The following UBAP2 variants were observed in gnomAD, a reference collection of about 807,000 sequenced individuals.
The protein encoded by UBAP2 is ubiquitin-associated protein 2.
UBAP2 carries 75 observed loss-of-function variants against 139.6 expected under a neutral mutation model. The ratio of observed to expected loss-of-function variants is 0.54; its 90% CI spans 0.45 to 0.65. The LOEUF is 0.65. Ranked by LOEUF, UBAP2 falls within the 30% of genes least tolerant of loss-of-function variation. UBAP2 has a pLI of 0.00. For synonymous variants in UBAP2, 526 were observed against 526.2 expected, an observed-to-expected ratio of 1.00 and a Z score of 0.01; for missense variants, 1,368 against 1,369.6, an observed-to-expected ratio of 1.00 and a Z score of 0.02.
At position 33,922,564 on chromosome 9, in the gene UBAP2, C is replaced by G. The variant is rs761100974; in HGVS notation, c.3300G>C (p.Leu1100=). ...GSGQRSQPSS[L]QPKSQASKPA... is the part of the protein sequence containing the mutation. Reference sequence around the variant, plus strand: ...GTTTGGAGGCTTGAGACTTGGGCTGCAGGGAGCTGGGCTGGCTGCGCTGAC... The same window carrying G: ...GTTTGGAGGCTTGAGACTTGGGCTGGAGGGAGCTGGGCTGGCTGCGCTGAC... The change falls in exon 29 of 29, where the codon CTG becomes CTC. Residue 1100 remains leucine, a synonymous_variant. Coordinates refer to ENST00000379238, the MANE Select transcript of UBAP2 (RefSeq NM_001370062.2). The G allele has an allele frequency of 3.0e-5, 49 of 1,613,652 alleles. No individual in the cohort carries two copies. Among genetic ancestry groups the G allele is most frequent in the Non-Finnish European group, 4.1e-5 (48 of 1,179,932 alleles).
intron 6 of UBAP2, among the ~76,000 whole-genome samples, chr9:33,986,089 C>T (rs1172604809): frequency 1.3e-5 from 2 of 151,360 alleles, no homozygotes; most frequent in Non-Finnish European, 2.9e-5. Context: ...GTCTTGCTCA[C>T]TTGCCCAGGC....
At chr9:34,035,463 C>A (rs1226990472) in intron 1 of UBAP2, among the ~76,000 whole-genome samples, 5 of 121,708 alleles carry the variant, frequency 4.1e-5, no homozygotes, top group Admixed American at 9.6e-5. Flanking sequence ...GATCGCGCCA[C>A]TGCACTCCAG....
chr9:34,027,860 TCAA>T (rs1825547146), intron 1 of UBAP2, among the ~76,000 whole-genome samples: 1 of 26,776 alleles, frequency 3.7e-5, no homozygotes. Flanking sequence ...AGACTCCATC[TCAA>T]AAAAAAAAAA....
intron 2 of UBAP2, among the ~76,000 whole-genome samples, chr9:34,009,545 C>A (rs1198155925): frequency 6.6e-6 from 1 of 152,054 alleles, no homozygotes; most frequent in African/African-American, 2.4e-5. Flanking sequence ...CAGGTGTTAG[C>A]CACCATGTCC....
At chr9:33,983,227 G>A (rs578111722) in intron 6 of UBAP2, among the ~76,000 whole-genome samples, 1 of 152,208 alleles carries the variant, frequency 6.6e-6, no homozygotes, top group African/African-American at 2.4e-5. Context: ...TTATGACATG[G>A]ATCAGCTTGT....
intron 22 of UBAP2, among the ~76,000 whole-genome samples, chr9:33,924,617 G>C (rs1823259867): frequency 6.6e-6 from 1 of 152,208 alleles, no homozygotes; most frequent in South Asian, 2.1e-4. Context: ...TTCTGTGTGA[G>C]AGACTAGAGC....
At chr9:34,015,638 T>G (rs1275819870) in intron 2 of UBAP2, among the ~76,000 whole-genome samples, 1 of 152,102 alleles carries the variant, frequency 6.6e-6, no homozygotes, top group South Asian at 2.1e-4. Context: ...CAAGTGGATC[T>G]TGATCATTAA....
At chr9:33,969,708 A>T (rs1450556336) in intron 8 of UBAP2, among the ~76,000 whole-genome samples, 1 of 151,642 alleles carries the variant, frequency 6.6e-6, no homozygotes. Context: ...CACTAAAAAT[A>T]CGAAAAAGTT....
rs1227800380 is a variant in UBAP2 at position 33,938,952 on chromosome 9, A to G, written c.1929+2697T>C. Reference sequence around the variant, plus strand: ...ATCTGTGGATATTCCAGGCTGTGGAAGGGGAAGAGAAAAAGGAAGGGAGGA... The same window carrying G: ...ATCTGTGGATATTCCAGGCTGTGGAGGGGGAAGAGAAAAAGGAAGGGAGGA... On this transcript the variant is annotated intron_variant, in intron 16 of 28. Transcript: ENST00000379238. The G allele has an allele frequency of 3.4e-5, 15 of 446,598 alleles. No individual in the cohort carries two copies. The East Asian group carries it at 1.0e-3, about 31-fold the overall frequency. The allele number at this position is 446,598 out of a possible 1,614,324, so 27.7% of individuals were successfully genotyped here. A position where few individuals can be genotyped will look rare whatever the true frequency, so the allele number is the denominator to read the frequency against.
At chr9:34,047,373 AGT>A (rs2131391786) in intron 1 of UBAP2, among the ~76,000 whole-genome samples, 1 of 152,294 alleles carries the variant, frequency 6.6e-6, no homozygotes, top group Admixed American at 6.5e-5. Context: ...TCCACAGGTG[AGT>A]GTATTGAAGG....
At chr9:33,924,780 C>T (rs1025977561) in intron 22 of UBAP2, among the ~76,000 whole-genome samples, 3 of 152,228 alleles carry the variant, frequency 2.0e-5, no homozygotes, top group Non-Finnish European at 2.9e-5. Context: ...CCTGTCACCA[C>T]CTACACTGCT....
chr9:33,987,868 A>G (rs1317820776), intron 5 of UBAP2, among the ~76,000 whole-genome samples: 2 of 152,206 alleles, frequency 1.3e-5, no homozygotes, highest in East Asian at 1.9e-4. Context: ...TAGAAAAACT[A>G]AAGTGTTGGA....
intron 15 of UBAP2, among the ~76,000 whole-genome samples, chr9:33,942,141 G>A (rs1160612904): frequency 6.6e-6 from 1 of 151,738 alleles, no homozygotes; most frequent in African/African-American, 2.4e-5. Flanking sequence ...GTGAAACCCC[G>A]TCTCTACTAA....
chr9:34,015,175 G>C (rs1427559744), intron 2 of UBAP2, among the ~76,000 whole-genome samples: 3 of 152,064 alleles, frequency 2.0e-5, no homozygotes, highest in African/African-American at 7.2e-5. Flanking sequence ...TATGAAAAAG[G>C]GTTTGCCAAT....
intron 1 of UBAP2, among the ~76,000 whole-genome samples, chr9:34,035,328 C>T (rs1055890064): frequency 6.6e-6 from 1 of 150,942 alleles, no homozygotes; most frequent in Admixed American, 6.7e-5. Context: ...CATGGTGGAA[C>T]CCCATCTCTA....
intron 11 of UBAP2, among the ~76,000 whole-genome samples, chr9:33,955,477 G>C (rs1482433208): frequency 6.6e-6 from 1 of 151,336 alleles, no homozygotes; most frequent in Non-Finnish European, 1.5e-5. Flanking sequence ...CCGAGATCGT[G>C]CCACTGCACT....
At chr9:33,934,867 T>C (rs558676638) in intron 17 of UBAP2, among the ~76,000 whole-genome samples, 1 of 152,178 alleles carries the variant, frequency 6.6e-6, no homozygotes, top group South Asian at 2.1e-4. Flanking sequence ...GACCAACGAA[T>C]CTCCAAACAG....
At chr9:33,960,794 A>G (rs981696868) in intron 10 of UBAP2, 32 bp downstream of exon 10, 3 of 1,585,846 alleles carry the variant, frequency 1.9e-6, no homozygotes. Flanking sequence ...AAAAAAAAAA[A>G]AGAAAGGTCT....
At position 33,941,661 on chromosome 9, in the gene UBAP2, T is replaced by G. The variant is rs776496603; in HGVS notation, c.1917A>C (p.Pro639=). ...AAATACCACTTACCATGATGGTTCC[T>G]GGAGCTGACTCTGATGAACTCACAG... ...QSPVSSSESA[P]GTIMNGHGGG... The change falls in exon 16 of 29, where the codon CCA becomes CCC. Residue 639 remains proline, a synonymous_variant. Transcript: ENST00000379238. 1.2e-6 allele frequency: 2 copies of G among 1,614,180 alleles called. No individual in the cohort carries two copies. Among genetic ancestry groups the G allele is most frequent in the Non-Finnish European group, 8.5e-7 (1 of 1,179,988 alleles).
Sources: gnomAD v4.1 joint callset for allele counts (sites outside exome capture counted in the v4.1 genomes callset) on GRCh38, gnomAD v4.1.1 for gene constraint, MANE v1.5 for transcripts, NCBI Gene and HGNC (gene_info 2026-07-23, HGNC 2026-07-21) for gene names.